Variants in CSF2RA observed in about 807,000 individuals in gnomAD.
CSF2RA encodes granulocyte-macrophage colony-stimulating factor receptor subunit alpha.
Under a neutral mutation model 51.6 loss-of-function variants are expected in CSF2RA, and 42 were observed. That is an observed-to-expected ratio of 0.81 (90% CI 0.64 to 1.05). CSF2RA has a LOEUF of 1.05. Among genes scored for constraint, CSF2RA ranks in the 50% least tolerant of loss-of-function variants. The pLI is 0.00. For synonymous variants in CSF2RA, 222 were observed against 193.0 expected, an observed-to-expected ratio of 1.15 and a Z score of -1.24; for missense variants, 530 against 501.1, an observed-to-expected ratio of 1.06 and a Z score of -0.55.
At chrX:1,293,221 G>GTTTC (rs111278186) in intron 7 of CSF2RA, among the ~76,000 whole-genome samples, 71,823 of 151,414 alleles carry the variant, frequency 0.47, 17,231 homozygotes, top group African/African-American at 0.55. Context: ...TTGTTTGTTT[G>GTTTC]TTTGTTTTTC....
chrX:1,301,721 C>G (rs140412060), intron 10 of CSF2RA, among the ~76,000 whole-genome samples: 4 of 150,256 alleles, frequency 2.7e-5, no homozygotes, highest in Middle Eastern at 3.4e-3. Flanking sequence ...CTCAGCCTCC[C>G]CAGTAGCTGG....
intron 1 of CSF2RA, among the ~76,000 whole-genome samples, chrX:1,269,337 G>A (rs1480549730): frequency 6.6e-6 from 1 of 152,070 alleles, no homozygotes; most frequent in Non-Finnish European, 1.5e-5. Context: ...AGAGATGAAC[G>A]CGGCCGGGCG....
rs775235232 is a variant in CSF2RA at position 1,288,498 on chromosome X, T to A, written c.220-21T>A. ...CAGAAGGTTGTTTCCTAATCGGCTC[T>A]GTCTGGTTGCAATTCTTCAGCTCAG... On this transcript the variant is annotated intron_variant, in intron 4 of 12. Coordinates refer to ENST00000381529, the MANE Select transcript of CSF2RA (RefSeq NM_172245.4). The A allele has an allele frequency of 1.4e-5, 23 of 1,613,808 alleles. 1 individual carries two copies. The South Asian group carries it at 2.5e-4, about 18-fold the overall frequency.
At chrX:1,289,024 C>A in intron 6 of CSF2RA, 136 bp downstream of exon 6, 1 of 1,198,204 alleles carries the variant, frequency 8.3e-7, no homozygotes, top group Non-Finnish European at 1.2e-6. Flanking sequence ...TGCAATGGTG[C>A]CACCTCGGCT....
intron 2 of CSF2RA, among the ~76,000 whole-genome samples, chrX:1,276,507 G>T (rs2089216092): frequency 2.0e-5 from 3 of 151,862 alleles, no homozygotes; most frequent in Non-Finnish European, 4.4e-5. Context: ...GCGAGTAGCT[G>T]GGAGTACAGG....
chrX:1,305,583 G>A (rs375177719), intron 12 of CSF2RA, 56 bp downstream of exon 12: 77 of 1,613,946 alleles, frequency 4.8e-5, no homozygotes, highest in Admixed American at 2.7e-4. Flanking sequence ...AGTGGGGAGC[G>A]TGGGACACGG....
chrX:1,323,906 C>A, the CSF2RA span, among the ~76,000 whole-genome samples: 1 of 151,186 alleles, frequency 6.6e-6, no homozygotes, highest in Non-Finnish European at 1.5e-5. Flanking sequence ...CCCAGCTACT[C>A]GGGAGGCTGA....
chrX:1,302,102 G>A (rs1363943977), intron 10 of CSF2RA, among the ~76,000 whole-genome samples: 1 of 150,900 alleles, frequency 6.6e-6, no homozygotes, highest in Non-Finnish European at 1.5e-5. Context: ...TTTTAGTAGA[G>A]ACGGGGTTTC....
intron 1 of CSF2RA, among the ~76,000 whole-genome samples, chrX:1,269,934 C>T (rs1316910342): frequency 6.6e-6 from 1 of 151,946 alleles, no homozygotes; most frequent in African/African-American, 2.4e-5. Context: ...ATGGCAAAAC[C>T]ACACCTTTAT....
the CSF2RA span, among the ~76,000 whole-genome samples, chrX:1,317,291 G>T: frequency 2.0e-5 from 2 of 100,920 alleles, no homozygotes; most frequent in East Asian, 2.9e-4. Flanking sequence ...TGTTCTTGTC[G>T]CCCAGGCTGG....
chrX:1,318,526 C>T, the CSF2RA span, among the ~76,000 whole-genome samples: 6 of 151,948 alleles, frequency 3.9e-5, no homozygotes, highest in African/African-American at 9.7e-5. Context: ...ACCCCCAGGC[C>T]GTTGGACTTT....
intron 2 of CSF2RA, 149 bp from the exon 3 acceptor site, chrX:1,282,529 T>TCC: frequency 1.4e-6 from 1 of 720,450 alleles, no homozygotes; most frequent in Non-Finnish European, 2.6e-6. Context: ...CTGCAGACCT[T>TCC]CCCAGCTGGC....
At chrX:1,279,098 C>A (rs1327293857) in intron 2 of CSF2RA, among the ~76,000 whole-genome samples, 9 of 150,954 alleles carry the variant, frequency 6.0e-5, no homozygotes, top group African/African-American at 2.2e-4. Flanking sequence ...CACCTGTCAT[C>A]CCATCACTTT....
At chrX:1,308,270 G>A (rs1476565546) in intron 12 of CSF2RA, among the ~76,000 whole-genome samples, 2 of 152,192 alleles carry the variant, frequency 1.3e-5, no homozygotes, top group African/African-American at 4.8e-5. Context: ...TATCAGAGAC[G>A]AAGGCCAAGA....
downstream of CSF2RA, among the ~76,000 whole-genome samples, chrX:1,313,784 T>C (rs1421183914): frequency 6.6e-6 from 1 of 151,204 alleles, no homozygotes; most frequent in Non-Finnish European, 1.5e-5. Context: ...AGGTCAGGAG[T>C]CCGAGACCAG....
chrX:1,323,532 C>G, the CSF2RA span, among the ~76,000 whole-genome samples: 3 of 152,098 alleles, frequency 2.0e-5, no homozygotes, highest in Non-Finnish European at 2.9e-5. Context: ...CCCAGCAGCT[C>G]TCAGGTGGTG....
intron 12 of CSF2RA, among the ~76,000 whole-genome samples, chrX:1,307,375 T>C (rs1403769295): frequency 6.8e-6 from 1 of 146,462 alleles, no homozygotes; most frequent in African/African-American, 2.6e-5. Context: ...ACTGATTAGA[T>C]GAGGCCCACC....
At chrX:1,292,637 A>G (rs1439430821) in intron 7 of CSF2RA, among the ~76,000 whole-genome samples, 1 of 152,078 alleles carries the variant, frequency 6.6e-6, no homozygotes, top group Non-Finnish European at 1.5e-5. Flanking sequence ...CTCCACACAA[A>G]CATCAGTGTA....
chrX:1,289,747 T>C (rs2091168897), intron 6 of CSF2RA, among the ~76,000 whole-genome samples: 1 of 151,694 alleles, frequency 6.6e-6, no homozygotes, highest in African/African-American at 2.4e-5. Flanking sequence ...TTTTCTTTTG[T>C]GTTTGTTTTT....
Sources: gnomAD v4.1 joint callset for allele counts (sites outside exome capture counted in the v4.1 genomes callset) on GRCh38, gnomAD v4.1.1 for gene constraint, MANE v1.5 for transcripts, NCBI Gene and HGNC (gene_info 2026-07-23, HGNC 2026-07-21) for gene names.